The following NAF1 variants were observed in gnomAD, a reference collection of about 807,000 sequenced individuals.
NAF1 encodes nuclear assembly factor 1 ribonucleoprotein.
NAF1 carries 11 observed loss-of-function variants against 40.6 expected under a neutral mutation model. The observed-to-expected ratio is 0.27, with a 90% CI of 0.17 to 0.45. The LOEUF is 0.45. NAF1 is among the 20% of genes least tolerant of loss of function. NAF1 has a pLI of 1.00. For missense variants in NAF1, 607 were observed against 611.1 expected, an observed-to-expected ratio of 0.99 and a Z score of 0.07; for synonymous variants, 260 against 228.5, an observed-to-expected ratio of 1.14 and a Z score of -1.24.
At chr4:163,152,655 T>C (rs1257480717) in intron 2 of NAF1, among the ~76,000 whole-genome samples, 1 of 152,232 alleles carries the variant, frequency 6.6e-6, no homozygotes, top group East Asian at 1.9e-4. Context: ...ACCAGTTCAG[T>C]GATCCTACTG....
chr4:163,133,072 G>T, intron 7 of NAF1, 82 bp downstream of exon 7: 1 of 1,168,520 alleles, frequency 8.6e-7, no homozygotes, highest in Non-Finnish European at 1.2e-6. Flanking sequence ...GAACCCAGAT[G>T]TTTCCTTCAG....
intron 2 of NAF1, among the ~76,000 whole-genome samples, chr4:163,154,456 G>C (rs1731883894): frequency 6.6e-6 from 1 of 152,224 alleles, no homozygotes; most frequent in African/African-American, 2.4e-5. Flanking sequence ...TCCTGTTATA[G>C]AGTCTGCCTT....
In NAF1 at chr4:163,128,830, C is replaced by T; in HGVS notation, c.*67G>A. 2.8e-5 allele frequency: 40 copies of T among 1,430,518 alleles called. No individual in the cohort carries two copies. The highest frequency in any genetic ancestry group is 3.7e-5 in the Non-Finnish European group (40 of 1,079,654). The allele number at this position is 1,430,518 out of a possible 1,614,324, so 88.6% of individuals were successfully genotyped here. On this transcript the variant is annotated 3_prime_UTR_variant, in exon 8 of 8. Coordinates refer to ENST00000274054, the MANE Select transcript of NAF1 (RefSeq NM_138386.3). The stretch of plus-strand genomic sequence containing the variant: ...TTAAAAATCTAGCTCCATAATCACT[C>T]TTGAAAAAAAAAAATCCTTACCACA...
At chr4:163,155,771 G>C (rs542154298) in intron 2 of NAF1, among the ~76,000 whole-genome samples, 1 of 152,260 alleles carries the variant, frequency 6.6e-6, no homozygotes, top group South Asian at 2.1e-4. Context: ...CCACGTTTCA[G>C]GGAAGGGTGT....
chr4:163,143,632 T>G (rs963753024), intron 4 of NAF1, among the ~76,000 whole-genome samples: 1 of 152,082 alleles, frequency 6.6e-6, no homozygotes, highest in Admixed American at 6.5e-5. Flanking sequence ...AAATCCTAGT[T>G]TCTCTAAGTA....
At chr4:163,120,291 G>C (rs1488068746) in intron 2 of NAF1, among the ~76,000 whole-genome samples, 1 of 152,158 alleles carries the variant, frequency 6.6e-6, no homozygotes, top group Non-Finnish European at 1.5e-5. Context: ...CATTTTAGAA[G>C]TTCATCTCTA....
chr4:163,144,233 G>A (rs2077054511), intron 4 of NAF1, among the ~76,000 whole-genome samples: 1 of 152,148 alleles, frequency 6.6e-6, no homozygotes. Flanking sequence ...TTAATCAGTG[G>A]GGAAGGCAAA....
In NAF1 at chr4:163,140,355, T is replaced by C. The variant is rs1731211269; in HGVS notation, c.746A>G (p.His249Arg). Residue 249 changes from histidine (H) to arginine (R), a missense_variant, in exon 5 of 8, where the codon CAT becomes CGT. Around this residue, in one of 3 missense-constraint regions of NAF1, gnomAD observed 407 missense variants for 365.5 expected, o/e 1.11. Transcript: ENST00000274054. ...KIFEIFGPVA[H>R]PFYVLRFNSS... ...ATTAAACCGTAACACATAAAATGGA[T>C]GTGCAACAGGTCCAAATATCTCGAA... 2 of 1,606,632 alleles carry C rather than the reference T, an allele frequency of 1.2e-6. No individual in the cohort carries two copies. Among genetic ancestry groups the C allele is most frequent in the Non-Finnish European group, 1.7e-6 (2 of 1,177,688 alleles).
downstream of NAF1, among the ~76,000 whole-genome samples, chr4:163,125,503 C>G (rs1029163703): frequency 5.9e-5 from 9 of 152,188 alleles, no homozygotes; most frequent in African/African-American, 2.2e-4. Flanking sequence ...AAGCCAAAGC[C>G]TAATCCAGAG....
chr4:163,110,665 T>C (rs779915349), intron 2 of NAF1, among the ~76,000 whole-genome samples: 18 of 152,194 alleles, frequency 1.2e-4, no homozygotes, highest in Non-Finnish European at 2.4e-4. Context: ...TTCAATACAT[T>C]TCCACTGAAA....
At chr4:163,123,961 A>C (rs1730583021), downstream of NAF1, among the ~76,000 whole-genome samples, 1 of 152,206 alleles carries the variant, frequency 6.6e-6, no homozygotes, top group Non-Finnish European at 1.5e-5. Context: ...GAGGATAATG[A>C]CAACTGCATT....
chr4:163,107,732 T>A (rs1403695637), downstream of NAF1, among the ~76,000 whole-genome samples: 1 of 152,162 alleles, frequency 6.6e-6, no homozygotes, highest in Admixed American at 6.5e-5. Context: ...TACAATAGTG[T>A]TTCTTAAGCT....
chr4:163,133,489 A>G, intron 6 of NAF1: 2 of 391,718 alleles, frequency 5.1e-6, no homozygotes, highest in South Asian at 5.0e-5. Context: ...GCCTTCAGAT[A>G]TGAGTCTGAC....
intron 2 of NAF1, among the ~76,000 whole-genome samples, chr4:163,120,649 T>C (rs1271552420): frequency 6.6e-6 from 1 of 152,228 alleles, no homozygotes; most frequent in African/African-American, 2.4e-5. Context: ...ATGTGTGTAC[T>C]TATACAGATA....
At chr4:163,146,491 G>A (rs1235974524) in intron 3 of NAF1, among the ~76,000 whole-genome samples, 13 of 151,954 alleles carry the variant, frequency 8.6e-5, no homozygotes, top group Admixed American at 3.9e-4. Flanking sequence ...GAAAACACAC[G>A]CACACACAAA....
downstream of NAF1, among the ~76,000 whole-genome samples, chr4:163,122,634 C>A (rs113471680): frequency 4.1e-3 from 628 of 152,308 alleles, 3 homozygotes; most frequent in African/African-American, 0.014. Flanking sequence ...CCCTCCAAAA[C>A]TCATGTTGCA....
intron 7 of NAF1, among the ~76,000 whole-genome samples, chr4:163,129,962 C>T (rs774974821): frequency 6.6e-6 from 1 of 152,134 alleles, no homozygotes; most frequent in Non-Finnish European, 1.5e-5. Flanking sequence ...AGGCATAAGA[C>T]CTCGTGGGAT....
At chr4:163,140,178 T>C (rs1216315423) in intron 5 of NAF1, 45 bp downstream of exon 5, 13 of 1,449,810 alleles carry the variant, frequency 9.0e-6, no homozygotes, top group Admixed American at 2.4e-5. Flanking sequence ...TCTTAAAATA[T>C]AAACGTTAGG....
intron 3 of NAF1, among the ~76,000 whole-genome samples, chr4:163,148,064 A>C (rs919310785): frequency 6.6e-6 from 1 of 152,190 alleles, no homozygotes; most frequent in Non-Finnish European, 1.5e-5. Flanking sequence ...GTTTGCAGTA[A>C]TTTGGTATAG....
Sources: allele counts gnomAD v4.1 joint callset (sites outside exome capture counted in the v4.1 genomes callset), GRCh38; gene constraint gnomAD v4.1.1; regional missense constraint gnomAD v4.1.1; transcripts MANE v1.5; gene names NCBI Gene and HGNC (gene_info 2026-07-23, HGNC 2026-07-21).